Variants in KCNIP1 observed in about 807,000 individuals in gnomAD.
KCNIP1 encodes the protein A-type potassium channel modulatory protein KCNIP1.
Under a neutral mutation model 33.0 loss-of-function variants are expected in KCNIP1, and 18 were observed. The observed-to-expected ratio is 0.55, with a 90% CI of 0.38 to 0.81. KCNIP1 has a LOEUF of 0.81. Ranked by LOEUF, KCNIP1 falls within the 30% of genes least tolerant of loss-of-function variation. KCNIP1 has a pLI of 0.00. For missense variants in KCNIP1, 238 were observed against 271.6 expected, an observed-to-expected ratio of 0.88 and a Z score of 0.87; for synonymous variants, 93 against 98.3, an observed-to-expected ratio of 0.95 and a Z score of 0.32.
chr5:170,405,766 T>TTACCAG (rs1157491917), intron 1 of KCNIP1, among the ~76,000 whole-genome samples: 1 of 152,204 alleles, frequency 6.6e-6, no homozygotes, highest in Non-Finnish European at 1.5e-5. Flanking sequence ...CCTGGACCAG[T>TTACCAG]GATGGTAACA....
chr5:170,434,570 G>T (rs1396278634), intron 1 of KCNIP1, among the ~76,000 whole-genome samples: 2 of 152,130 alleles, frequency 1.3e-5, no homozygotes, highest in Non-Finnish European at 2.9e-5. Context: ...GTCTTTCCTG[G>T]TCTCTGCAGA....
intron 1 of KCNIP1, among the ~76,000 whole-genome samples, chr5:170,601,946 C>T (rs1479078711): frequency 2.6e-5 from 4 of 152,096 alleles, no homozygotes; most frequent in African/African-American, 4.8e-5. Flanking sequence ...TGCCAGAAAC[C>T]GAGATGGTGC....
Position 170,546,755 on chromosome 5 carries a change from CCTTAT to C in KCNIP1, c.61+42126_61+42130del, listed in dbSNP as rs1024410707. Among the ~76,000 whole-genome samples, 171 of 152,048 alleles carry C rather than the reference CCTTAT, an allele frequency of 1.1e-3. 1 individual carries two copies. Among genetic ancestry groups the C allele is most frequent in the African/African-American group, 3.7e-3 (152 of 41,456 alleles). ...TACTACATCTTACCTGGAAGCAATA[CCTTAT>C]CTTGTTATTTTTAAGTCAACAAATT... On this transcript the variant is annotated intron_variant, in intron 1 of 7. Coordinates refer to ENST00000328939, the MANE Select transcript of KCNIP1 (RefSeq NM_014592.4).
At chr5:170,625,120 C>G (rs905822) in intron 1 of KCNIP1, among the ~76,000 whole-genome samples, 57,843 of 151,862 alleles carry the variant, frequency 0.38, 11,572 homozygotes, top group East Asian at 0.59. Flanking sequence ...CTGGTCCCAG[C>G]AGCAGCCCTC....
chr5:170,467,292 T>C (rs545957331), intron 1 of KCNIP1, among the ~76,000 whole-genome samples: 1 of 152,326 alleles, frequency 6.6e-6, no homozygotes, highest in Non-Finnish European at 1.5e-5. Context: ...TTTAAAATGC[T>C]GATGTGACAT....
intron 1 of KCNIP1, among the ~76,000 whole-genome samples, chr5:170,458,309 C>T (rs955051538): frequency 2.0e-5 from 3 of 152,148 alleles, no homozygotes; most frequent in African/African-American, 7.2e-5. Flanking sequence ...CCCAGCCTTG[C>T]TAGAGCCCTA....
Position 170,504,424 on chromosome 5 carries a change from C to G in KCNIP1, c.-149C>G. ...GAAGCCAGAAGCCTCCTAGCCTCGCCTCCACGCTTGCTGAATACCAAGCTG... is the reference window on the plus strand; with the variant it reads ...GAAGCCAGAAGCCTCCTAGCCTCGCGTCCACGCTTGCTGAATACCAAGCTG... On this transcript the variant is annotated 5_prime_UTR_variant, in exon 1 of 8. Coordinates refer to ENST00000328939, the MANE Select transcript of KCNIP1 (RefSeq NM_014592.4). This position sits in a 1 kb window ranked among gnomAD's most constrained non-coding sequence, Gnocchi z 6.0. 5.4e-6 allele frequency: 8 copies of G among 1,484,296 alleles called. No homozygotes were observed. Among genetic ancestry groups the G allele is most frequent in the Non-Finnish European group, 7.1e-6 (8 of 1,124,482 alleles). The allele number at this position is 1,484,296 out of a possible 1,614,324, so 91.9% of individuals were successfully genotyped here.
At chr5:170,423,954 G>T (rs1020548279) in intron 1 of KCNIP1, among the ~76,000 whole-genome samples, 6 of 152,302 alleles carry the variant, frequency 3.9e-5, no homozygotes, top group African/African-American at 1.4e-4. Flanking sequence ...AGAAATAAAG[G>T]CTGATTAAAT....
chr5:170,562,496 T>G (rs1757067402), intron 1 of KCNIP1, among the ~76,000 whole-genome samples: 1 of 152,212 alleles, frequency 6.6e-6, no homozygotes, highest in Admixed American at 6.5e-5. Flanking sequence ...AAACATTTAT[T>G]GGATGAGTAA....
intron 1 of KCNIP1, among the ~76,000 whole-genome samples, chr5:170,579,980 A>G (rs1465564603): frequency 2.0e-5 from 3 of 152,156 alleles, no homozygotes; most frequent in Admixed American, 1.3e-4. Context: ...AAAGAAAAAA[A>G]AAAAACAAGT....
intron 1 of KCNIP1, among the ~76,000 whole-genome samples, chr5:170,693,676 A>G (rs909327859): frequency 6.6e-6 from 1 of 152,244 alleles, no homozygotes; most frequent in African/African-American, 2.4e-5. Context: ...ACAAGCTTCA[A>G]TCAAACTATA....
intron 1 of KCNIP1, among the ~76,000 whole-genome samples, chr5:170,367,177 T>A (rs1194046449): frequency 6.6e-6 from 1 of 151,608 alleles, no homozygotes; most frequent in East Asian, 1.9e-4. Flanking sequence ...TAGCTGGGCA[T>A]GGTGGCACAT....
chr5:170,372,277 G>A (rs1763865377), intron 1 of KCNIP1, among the ~76,000 whole-genome samples: 1 of 152,180 alleles, frequency 6.6e-6, no homozygotes, highest in African/African-American at 2.4e-5. Context: ...ACAGGGCAAG[G>A]TATGAGGGAT....
intron 1 of KCNIP1, among the ~76,000 whole-genome samples, chr5:170,554,744 C>T (rs534326282): frequency 1.3e-5 from 2 of 152,302 alleles, no homozygotes; most frequent in Non-Finnish European, 2.9e-5. Flanking sequence ...CCAGAGCCTC[C>T]TTTGACTCTG....
At chr5:170,676,113 G>GAGGAAGA (rs1561757939) in intron 1 of KCNIP1, among the ~76,000 whole-genome samples, 2 of 93,872 alleles carry the variant, frequency 2.1e-5, no homozygotes, top group African/African-American at 6.2e-5. Context: ...AGGAAGAAGG[G>GAGGAAGA]AGGGAGGGAG....
At chr5:170,632,829 C>A (rs1309780170) in intron 1 of KCNIP1, among the ~76,000 whole-genome samples, 4 of 152,236 alleles carry the variant, frequency 2.6e-5, no homozygotes, top group African/African-American at 7.2e-5. Context: ...GTTTCTTCAT[C>A]TGTAAGTGGG....
intron 1 of KCNIP1, chr5:170,561,221 G>C (rs1412679634): frequency 2.4e-6 from 1 of 424,828 alleles, no homozygotes; most frequent in Non-Finnish European, 4.8e-6. Flanking sequence ...ATGTCAATTA[G>C]AAAGTCCCCG....
intron 1 of KCNIP1, among the ~76,000 whole-genome samples, chr5:170,431,266 A>G (rs1385994572): frequency 6.6e-6 from 1 of 152,206 alleles, no homozygotes; most frequent in Non-Finnish European, 1.5e-5. Context: ...TTACTCAACA[A>G]TTGTGTGGAG....
intron 1 of KCNIP1, among the ~76,000 whole-genome samples, chr5:170,509,391 G>A (rs1460105133): frequency 1.3e-5 from 2 of 152,206 alleles, no homozygotes; most frequent in Non-Finnish European, 1.5e-5. Flanking sequence ...AGACAGAGGA[G>A]AAGGACTTAC....
Sources: allele counts gnomAD v4.1 joint callset (sites outside exome capture counted in the v4.1 genomes callset), GRCh38; gene constraint gnomAD v4.1.1; non-coding constraint Gnocchi (gnomAD v3.1); transcripts MANE v1.5; gene names NCBI Gene and HGNC (gene_info 2026-07-23, HGNC 2026-07-21).